The following ITGAL variants were observed in gnomAD, a reference collection of about 807,000 sequenced individuals.
ITGAL encodes the protein integrin subunit alpha L.
ITGAL carries 68 observed loss-of-function variants against 138.4 expected under a neutral mutation model. That is an observed-to-expected ratio of 0.49 (90% CI 0.40 to 0.60). ITGAL has a LOEUF of 0.60. ITGAL is among the 20% of genes least tolerant of loss of function. The pLI is 0.00. For synonymous variants in ITGAL, 561 were observed against 584.3 expected (o/e 0.96, Z 0.57); for missense variants, 1,256 against 1,478.6 (o/e 0.85, Z 2.47).
intron 9 of ITGAL, 152 bp from the exon 10 acceptor site, chr16:30,488,930 T>A: frequency 1.5e-6 from 1 of 667,468 alleles, no homozygotes; most frequent in East Asian, 2.7e-5. Flanking sequence ...CAACTCCGCA[T>A]TAAGCCACTT....
At chr16:30,501,961 A>G (rs2050906286) in intron 17 of ITGAL, among the ~76,000 whole-genome samples, 1 of 151,914 alleles carries the variant, frequency 6.6e-6, no homozygotes, top group African/African-American at 2.4e-5. Flanking sequence ...TGAACCCAGG[A>G]GGTGGAGGTT....
At chr16:30,507,325 G>C (rs1009635785) in intron 21 of ITGAL, among the ~76,000 whole-genome samples, 3 of 152,080 alleles carry the variant, frequency 2.0e-5, no homozygotes, top group Non-Finnish European at 2.9e-5. Context: ...CGGGCGAGGT[G>C]GCGGGCGCCT....
At chr16:30,485,743 G>A (rs1397724761) in intron 9 of ITGAL, among the ~76,000 whole-genome samples, 3 of 146,616 alleles carry the variant, frequency 2.0e-5, no homozygotes, top group Non-Finnish European at 4.5e-5. Flanking sequence ...TATGTTGCCT[G>A]GGCTGGTCTC....
rs560549260 is a variant in ITGAL at position 30,473,876 on chromosome 16, C to T, written c.62-320C>T. On this transcript the variant is annotated intron_variant, in intron 1 of 30. Coordinates refer to ENST00000356798, the MANE Select transcript of ITGAL (RefSeq NM_002209.3). ...GGGGCATCCCCATCTTGGCCTCTGCCTGAGAACTTGGTCACCCTCTGCCTT... is the reference window on the plus strand; with the variant it reads ...GGGGCATCCCCATCTTGGCCTCTGCTTGAGAACTTGGTCACCCTCTGCCTT... The T allele has an allele frequency of 9.9e-6, 5 of 507,424 alleles. No individual in the cohort carries two copies. The East Asian group carries it at 2.6e-4, about 26-fold the overall frequency. 31.4% of individuals were successfully genotyped at this position (507,424 alleles called of 1,614,324 possible).
At chr16:30,516,916 G>A in intron 25 of ITGAL, 57 bp from the exon 26 acceptor site, 1 of 1,211,898 alleles carries the variant, frequency 8.3e-7, no homozygotes, top group Non-Finnish European at 1.2e-6. Context: ...ACAGGGTCTG[G>A]GGGGCAGCTG....
At chr16:30,502,135 C>A (rs1351877118) in intron 17 of ITGAL, among the ~76,000 whole-genome samples, 1 of 152,100 alleles carries the variant, frequency 6.6e-6, no homozygotes, top group Non-Finnish European at 1.5e-5. Context: ...CGGTGGCTCA[C>A]GCCTCTAATC....
Position 30,494,372 on chromosome 16 carries a change from A to C in ITGAL, c.1365+9A>C, listed in dbSNP as rs1567473598. 1 of 1,593,448 alleles carries C rather than the reference A, an allele frequency of 6.3e-7. No homozygotes were observed. The highest frequency in any genetic ancestry group is 8.6e-7 in the Non-Finnish European group (1 of 1,166,444). On this transcript the variant is annotated intron_variant, in intron 12 of 30. Transcript: ENST00000356798. This position sits in a 1 kb window ranked among gnomAD's most constrained non-coding sequence, Gnocchi z 4.2. ...CAATCCATGGGACCCAGGTGCGCCC[A>C]GTCCGAGGGCATCTGCAGACCAGGG...
chr16:30,485,425 T>C (rs1427038493), intron 9 of ITGAL, among the ~76,000 whole-genome samples: 5 of 152,044 alleles, frequency 3.3e-5, no homozygotes, highest in Admixed American at 1.3e-4. Flanking sequence ...CAGGGTTTCA[T>C]CGTGTTAGCC....
intron 17 of ITGAL, 198 bp downstream of exon 17, chr16:30,499,687 G>GTATATGTA (rs2050857057): frequency 9.7e-6 from 1 of 103,530 alleles, no homozygotes; most frequent in African/African-American, 4.5e-5. Context: ...GTATATATAT[G>GTATATGTA]TATATATATG....
intron 15 of ITGAL, among the ~76,000 whole-genome samples, chr16:30,497,479 T>A (rs1297482347): frequency 6.8e-6 from 1 of 146,612 alleles, no homozygotes; most frequent in Non-Finnish European, 1.5e-5. Context: ...CCATCTGTAC[T>A]TTTTTTTTTT....
Position 30,505,284 on chromosome 16 carries a change from A to G in ITGAL, c.2276A>G (p.His759Arg), listed in dbSNP as rs778561596. The G allele has an allele frequency of 1.2e-6, 2 of 1,612,524 alleles. No individual in the cohort carries two copies. The highest frequency in any genetic ancestry group is 1.7e-6 in the Non-Finnish European group (2 of 1,179,368). ...DIPPILRPSL[H>R]SETWEIPFEK... ...CCGCCCATCCTGAGACCCTCCCTGC[A>G]CTCGGAAACCTGGGAGGTAAGAGGG... The change falls in exon 19 of 31, where the codon CAC (histidine) becomes CGC (arginine). Residue 759 changes from histidine (H) to arginine (R), a missense_variant. This residue lies in a region of ITGAL where 867 missense variants were observed against 972.5 expected (regional missense o/e 0.89). Coordinates refer to ENST00000356798, the MANE Select transcript of ITGAL (RefSeq NM_002209.3).
Position 30,517,020 on chromosome 16 carries a change from G to A in ITGAL, c.2910G>A (p.Glu970=), listed in dbSNP as rs896701521. The A allele has an allele frequency of 3.1e-6, 5 of 1,613,906 alleles. No individual in the cohort carries two copies. Among genetic ancestry groups the A allele is most frequent in the Non-Finnish European group, 4.2e-6 (5 of 1,179,874 alleles). Residue 970 remains glutamate (E), a synonymous_variant, in exon 26 of 31, where the codon GAG becomes GAA. Coordinates refer to ENST00000356798, the MANE Select transcript of ITGAL (RefSeq NM_002209.3). ...SIHDHNIPTL[E]AVVGVPQPPS... is the part of the protein sequence containing the mutation. ...ACGACCACAACATACCCACCCTGGA[G>A]GCTGTGGTTGGGGTGCCACAGCCTC...
intron 4 of ITGAL, among the ~76,000 whole-genome samples, chr16:30,478,566 C>T (rs1479651940): frequency 2.0e-5 from 3 of 150,296 alleles, no homozygotes; most frequent in Non-Finnish European, 3.0e-5. Flanking sequence ...GGTGTAGTGG[C>T]GGGTGCCTGT....
chr16:30,486,227 G>T (rs765913813), intron 9 of ITGAL, among the ~76,000 whole-genome samples: 21 of 152,154 alleles, frequency 1.4e-4, no homozygotes, highest in South Asian at 6.2e-4. Flanking sequence ...TGGGCTGAGC[G>T]TGGTGGCTCA....
At chr16:30,520,675 C>T (rs2051238982) in intron 30 of ITGAL, among the ~76,000 whole-genome samples, 1 of 152,210 alleles carries the variant, frequency 6.6e-6, no homozygotes, top group South Asian at 2.1e-4. Flanking sequence ...ATGAGGGCTG[C>T]AAAGGGCCTG....
chr16:30,472,891 T>C lies in ITGAL; in HGVS notation c.54T>C (p.Phe18=). 6.2e-7 allele frequency: 1 copy of C among 1,612,938 alleles called. No homozygotes were observed. The highest frequency in any genetic ancestry group is 8.5e-7 in the Non-Finnish European group (1 of 1,179,772). Residue 18 remains phenylalanine, a synonymous_variant, in exon 1 of 31, where the codon TTT becomes TTC. Coordinates refer to ENST00000356798, the MANE Select transcript of ITGAL (RefSeq NM_002209.3). ...VMAMALLSGF[F]FFAPASSYNL... The stretch of plus-strand genomic sequence containing the variant: ...CCATGGCGCTGCTGTCTGGGTTCTT[T>C]TTCTTCGGTAGGCAAGGGAGGAGGC...
chr16:30,498,031 G>A (rs1242105278), intron 15 of ITGAL, among the ~76,000 whole-genome samples: 1 of 151,778 alleles, frequency 6.6e-6, no homozygotes, highest in African/African-American at 2.4e-5. Flanking sequence ...ATCATTTGAG[G>A]TCAGGTGGAC....
At position 30,479,228 on chromosome 16, in the gene ITGAL, T is replaced by A. The variant is rs772807164; in HGVS notation, c.445+20T>A. On this transcript the variant is annotated intron_variant, in intron 5 of 30. Transcript: ENST00000356798. ...TTCAGGGTAAGGAACTGGGGACTCA[T>A]TGGGTAAAAATACCTCCAAATGGCT... is the stretch of plus-strand genomic sequence containing the variant. 6.2e-7 allele frequency: 1 copy of A among 1,613,374 alleles called. No homozygotes were observed. Among genetic ancestry groups the A allele is most frequent in the Non-Finnish European group, 8.5e-7 (1 of 1,179,408 alleles).
chr16:30,510,522 G>T, intron 22 of ITGAL, 51 bp downstream of exon 22: 1 of 1,064,494 alleles, frequency 9.4e-7, no homozygotes. Flanking sequence ...CCCTGAGCTG[G>T]TGGAGGGCAG....
Sources: gnomAD v4.1 joint callset for allele counts (sites outside exome capture counted in the v4.1 genomes callset) on GRCh38, gnomAD v4.1.1 for gene constraint, gnomAD v4.1.1 regional missense constraint, Gnocchi (gnomAD v3.1) non-coding constraint, MANE v1.5 for transcripts, NCBI Gene and HGNC (gene_info 2026-07-23, HGNC 2026-07-21) for gene names.